The following PHLDB1 variants were observed in gnomAD, a reference collection of about 807,000 sequenced individuals.
PHLDB1 encodes pleckstrin homology-like domain family B member 1.
PHLDB1 carries 65 observed loss-of-function variants against 139.3 expected under a neutral mutation model. The ratio of observed to expected loss-of-function variants is 0.47; its 90% CI spans 0.38 to 0.57. PHLDB1 has a LOEUF of 0.57. PHLDB1 is among the 20% of genes least tolerant of loss of function. PHLDB1 has a pLI of 0.00. For missense variants in PHLDB1, 1,624 were observed against 1,839.7 expected (o/e 0.88, Z 2.14); for synonymous variants, 679 against 734.5 (o/e 0.92, Z 1.22).
In PHLDB1 at chr11:118,645,511, C is replaced by T. The variant is rs1947334316; in HGVS notation, c.3277C>T (p.His1093Tyr). Residue 1093 changes from histidine to tyrosine, a missense_variant, in exon 16 of 23, where the codon CAC (histidine) becomes TAC (tyrosine). Transcript: ENST00000600882. The surrounding 1 kb of genome is among the most constrained non-coding windows in gnomAD (Gnocchi z 5.1). The part of the protein sequence containing the change: ...FPPLMHHSIL[H>Y]HLPAGRERGE... ...CCCTCTCATGCACCACTCTATCCTA[C>T]ACCACCTGCCTGCGGGGCGGGAGCG... 1.9e-6 allele frequency: 3 copies of T among 1,612,696 alleles called. No homozygotes were observed. The highest frequency in any genetic ancestry group is 2.5e-6 in the Non-Finnish European group (3 of 1,179,342).
rs1949138263 is a variant in PHLDB1, at chr11:118,656,927, T to C, written c.*104T>C. On this transcript the variant is annotated 3_prime_UTR_variant, in exon 23 of 23. Transcript: ENST00000600882. ...TGTGAGTTTCTGGGCTCTGGCCTCC[T>C]GAAGAACCAGCCAGAAGAAGAAAAG... 3 of 1,024,512 alleles carry C rather than the reference T, an allele frequency of 2.9e-6. No homozygotes were observed. Among genetic ancestry groups the C allele is most frequent in the Non-Finnish European group, 4.3e-6 (3 of 705,216 alleles). 63.5% of individuals were successfully genotyped at this position (1,024,512 alleles called of 1,614,324 possible).
Position 118,645,569 on chromosome 11 carries a change from TGAGTCTG to T in PHLDB1, c.3339_3345del (p.Ser1113ArgfsTer41). 1 of 1,613,800 alleles carries T rather than the reference TGAGTCTG, an allele frequency of 6.2e-7. No homozygotes were observed. Among genetic ancestry groups the T allele is most frequent in the African/African-American group, 1.3e-5 (1 of 75,024 alleles). On this transcript the variant is annotated frameshift_variant, in exon 16 of 23. Coordinates refer to ENST00000600882, the MANE Select transcript of PHLDB1 (RefSeq NM_001144758.3). LOFTEE classifies it high-confidence loss of function. The surrounding 1 kb of genome is among the most constrained non-coding windows in gnomAD (Gnocchi z 5.1). Reference sequence around the variant, plus strand: ...GAGGGTGAGCACGCCTATGATACGCTGAGTCTGGAGAGCTCTGACAGCATGGAGACCA... The same window carrying T: ...GAGGGTGAGCACGCCTATGATACGCTGAGAGCTCTGACAGCATGGAGACCA...
Position 118,613,801 on chromosome 11 carries a change from C to A in PHLDB1, c.-21-15C>A. 6.3e-7 allele frequency: 1 copy of A among 1,581,592 alleles called. No individual in the cohort carries two copies. The highest frequency in any genetic ancestry group is 8.7e-7 in the Non-Finnish European group (1 of 1,151,892). ...CCTGGCCTCCCCACTCACCACCTTT[C>A]TGCTGTGTCCCTAGGAGCTCTGGAG... On this transcript the variant is annotated splice_polypyrimidine_tract_variant and intron_variant, in intron 1 of 22. Coordinates refer to ENST00000600882, the MANE Select transcript of PHLDB1 (RefSeq NM_001144758.3).
chr11:118,645,368 T>G lies in PHLDB1; in HGVS notation c.3134T>G (p.Ile1045Ser), dbSNP rs1288605024. The change falls in exon 16 of 23, where the codon ATT (isoleucine) becomes AGT (serine). Residue 1045 changes from isoleucine to serine, a missense_variant. Ile to Ser is a moderately radical substitution (Grantham distance 142, BLOSUM62 -2). Transcript: ENST00000600882. This position sits in a 1 kb window ranked among gnomAD's most constrained non-coding sequence, Gnocchi z 5.1. ...LALQQKGQQV[I>S]EEQRRRLAEL... Reference sequence around the variant, plus strand: ...GTCTCTCCTTCAGGACAACAAGTGATTGAAGAGCAGCGGCGGCGACTGGCT... The same window carrying G: ...GTCTCTCCTTCAGGACAACAAGTGAGTGAAGAGCAGCGGCGGCGACTGGCT... 6.6e-7 allele frequency: 1 copy of G among 1,518,990 alleles called. No homozygotes were observed. The highest frequency in any genetic ancestry group is 8.8e-7 in the Non-Finnish European group (1 of 1,133,444). 94.1% of individuals were successfully genotyped at this position (1,518,990 alleles called of 1,614,324 possible). A position where few individuals can be genotyped will look rare whatever the true frequency, so the allele number is the denominator to read the frequency against.
intron 1 of PHLDB1, among the ~76,000 whole-genome samples, chr11:118,609,980 G>A (rs34026809): frequency 2.0e-5 from 3 of 151,406 alleles, no homozygotes; most frequent in African/African-American, 4.9e-5. Flanking sequence ...TTGGGGTCCC[G>A]GTGGGCCCCA....
In PHLDB1 at chr11:118,610,251, C is replaced by T. The variant is rs1939899140; in HGVS notation, c.-22+2552C>T. 6.6e-6 allele frequency among the ~76,000 whole-genome samples: 1 copy of T among 152,146 alleles called. No individual in the cohort carries two copies. Among genetic ancestry groups the T allele is most frequent in the Non-Finnish European group, 1.5e-5 (1 of 68,014 alleles). On this transcript the variant is annotated intron_variant, in intron 1 of 22. Coordinates refer to ENST00000600882, the MANE Select transcript of PHLDB1 (RefSeq NM_001144758.3). The surrounding 1 kb of genome is among the most constrained non-coding windows in gnomAD (Gnocchi z 8.7). The stretch of plus-strand genomic sequence containing the variant: ...ATCCCGGTGGCTCCCCTTCCCCGCC[C>T]CGTCCCTCTGCACACCCCCATTCAT...
chr11:118,627,281 A>C (rs201800385), intron 5 of PHLDB1, 24 bp from the exon 6 acceptor site: 255 of 1,611,198 alleles, frequency 1.6e-4, no homozygotes, highest in Non-Finnish European at 3.9e-5. Context: ...CCCTAAAGTC[A>C]AAGACCTTTG....
intron 13 of PHLDB1, among the ~76,000 whole-genome samples, chr11:118,643,120 A>G (rs931509071): frequency 2.6e-5 from 4 of 152,232 alleles, no homozygotes; most frequent in Admixed American, 6.5e-5. Context: ...GAGTTTGATC[A>G]TGTAAGACTT....
chr11:118,649,682 G>T (rs185964387), intron 18 of PHLDB1, among the ~76,000 whole-genome samples: 4 of 152,238 alleles, frequency 2.6e-5, no homozygotes, highest in Non-Finnish European at 5.9e-5. Flanking sequence ...CCAGAGAAGG[G>T]ATGTGACCCA....
chr11:118,647,636 C>G, intron 17 of PHLDB1: 1 of 226,004 alleles, frequency 4.4e-6, no homozygotes. Flanking sequence ...ATCACTTGAA[C>G]CTGGGAGGCG....
chr11:118,628,303 C>T lies in PHLDB1; in HGVS notation c.1480C>T (p.Arg494Cys), dbSNP rs782496270. 3.3e-5 allele frequency: 54 copies of T among 1,613,696 alleles called. No homozygotes were observed. The highest frequency in any genetic ancestry group is 4.1e-5 in the Non-Finnish European group (48 of 1,179,924). ...REVAESPRPR[R>C]WAAHGASPED... The stretch of plus-strand genomic sequence containing the variant: ...AGTGGCAGAGAGTCCTCGGCCCCGG[C>T]GCTGGGCAGCCCATGGGGCTTCACC... The change falls in exon 6 of 23, where the codon CGC becomes TGC. Residue 494 changes from arginine to cysteine, a missense_variant. By Grantham distance (180) the Arg-to-Cys change is radical. Transcript: ENST00000600882.
intron 13 of PHLDB1, 133 bp downstream of exon 13, chr11:118,642,527 C>A: frequency 9.4e-7 from 1 of 1,066,946 alleles, no homozygotes; most frequent in Non-Finnish European, 1.3e-6. Flanking sequence ...GAGGGCACCT[C>A]TGGGCCCTGA....
intron 15 of PHLDB1, chr11:118,644,665 A>T: frequency 7.8e-7 from 1 of 1,289,534 alleles, no homozygotes; most frequent in Non-Finnish European, 1.0e-6. Flanking sequence ...CTTCCCGCCG[A>T]GCCCCTCCCA....
chr11:118,643,880 C>T lies in PHLDB1; in HGVS notation c.2958C>T (p.Gly986=), dbSNP rs1294484138. Residue 986 remains glycine (G), a synonymous_variant, in exon 14 of 23, where the codon GGC becomes GGT. Transcript: ENST00000600882. ...GCGGCCCCCTCCCCTCCTCCTCTGGCTCTTCCTCCTCCTCCTCCCAGCTCA... is the reference window on the plus strand; with the variant it reads ...GCGGCCCCCTCCCCTCCTCCTCTGGTTCTTCCTCCTCCTCCTCCCAGCTCA... ...TRSGPLPSSS[G]SSSSSSQLSV... 3.1e-6 allele frequency: 5 copies of T among 1,612,112 alleles called. No individual in the cohort carries two copies. Among genetic ancestry groups the T allele is most frequent in the Non-Finnish European group, 4.2e-6 (5 of 1,178,952 alleles).
chr11:118,610,827 C>G lies in PHLDB1; in HGVS notation c.-21-2989C>G, dbSNP rs1422443036. ...TCCCGCGGGGGAGGAGGCCGAGGGC[C>G]CGGGCCGGGGTCACCTGCCGGCGCC... On this transcript the variant is annotated intron_variant, in intron 1 of 22. Coordinates refer to ENST00000600882, the MANE Select transcript of PHLDB1 (RefSeq NM_001144758.3). This position sits in a 1 kb window ranked among gnomAD's most constrained non-coding sequence, Gnocchi z 8.7. 6.6e-6 allele frequency among the ~76,000 whole-genome samples: 1 copy of G among 152,178 alleles called. No homozygotes were observed. The highest frequency in any genetic ancestry group is 1.5e-5 in the Non-Finnish European group (1 of 68,020).
chr11:118,642,465 A>G (rs1383304260), intron 13 of PHLDB1, 71 bp downstream of exon 13: 10 of 1,517,154 alleles, frequency 6.6e-6, no homozygotes, highest in East Asian at 4.5e-5. Flanking sequence ...CTGCCAATCC[A>G]TCAGCCACAC....
intron 12 of PHLDB1, chr11:118,641,707 C>CT: frequency 7.8e-7 from 1 of 1,289,618 alleles, no homozygotes; most frequent in Admixed American, 2.3e-5. Flanking sequence ...CTCCGCCTCC[C>CT]GGGACCTGGT....
chr11:118,613,853 G>A lies in PHLDB1; in HGVS notation c.17G>A (p.Arg6Lys), dbSNP rs1555086147. 3 of 1,612,660 alleles carry A rather than the reference G, an allele frequency of 1.9e-6. No individual in the cohort carries two copies. The highest frequency in any genetic ancestry group is 1.7e-4 in the Middle Eastern group (1 of 6,058). ...CTTAGGACCATGGACGCTCTCAATA[G>A]GAACCAAATAGGCCCTGGATGCCAG... is the stretch of plus-strand genomic sequence containing the variant. MDALN[R>K]NQIGPGCQTQ... Residue 6 changes from arginine to lysine, a missense_variant, in exon 2 of 23, where the codon AGG (arginine) becomes AAG (lysine). By Grantham distance (26) the Arg-to-Lys change is conservative. Coordinates refer to ENST00000600882, the MANE Select transcript of PHLDB1 (RefSeq NM_001144758.3).
intron 10 of PHLDB1, among the ~76,000 whole-genome samples, chr11:118,638,514 G>A (rs1332218014): frequency 6.6e-6 from 1 of 152,172 alleles, no homozygotes; most frequent in Non-Finnish European, 1.5e-5. Context: ...AGCAAAGGCT[G>A]GTGAGAAGGT....
Sources: allele counts gnomAD v4.1 joint callset (sites outside exome capture counted in the v4.1 genomes callset), GRCh38; gene constraint gnomAD v4.1.1; non-coding constraint Gnocchi (gnomAD v3.1); transcripts MANE v1.5; gene names NCBI Gene and HGNC (gene_info 2026-07-23, HGNC 2026-07-21).